SNAP91: variants seen among roughly 807,000 people sequenced by gnomAD.
The protein encoded by SNAP91 is clathrin coat assembly protein AP180.
In SNAP91, 27 loss-of-function variants were observed where a neutral mutation model predicts 100.3. That is an observed-to-expected ratio of 0.27 (90% CI 0.20 to 0.37). The LOEUF is 0.37. Among genes scored for constraint, SNAP91 ranks in the 10% least tolerant of loss-of-function variants. SNAP91 has a pLI of 1.00. For synonymous variants in SNAP91, 404 were observed against 398.6 expected, an observed-to-expected ratio of 1.01 and a Z score of -0.16; for missense variants, 986 against 1,123.7, an observed-to-expected ratio of 0.88 and a Z score of 1.75.
Position 83,676,234 on chromosome 6 carries a change from T to C in SNAP91, c.131-10653A>G, listed in dbSNP as rs553704610. On this transcript the variant is annotated intron_variant, in intron 2 of 29. Transcript: ENST00000369694. Reference sequence around the variant, plus strand: ...ATCTATCATCTAGATATAATAGCAGTGAACAAAACAGACAGTGTCTGCCTT... The same window carrying C: ...ATCTATCATCTAGATATAATAGCAGCGAACAAAACAGACAGTGTCTGCCTT... Among the ~76,000 whole-genome samples the C allele has an allele frequency of 1.6e-4, 24 of 152,192 alleles. No homozygotes were observed. In the South Asian group the frequency reaches 5.0e-3, roughly 32 times the overall value.
intron 21 of SNAP91, among the ~76,000 whole-genome samples, chr6:83,592,080 A>G (rs1007496286): frequency 3.3e-5 from 5 of 152,338 alleles, no homozygotes; most frequent in African/African-American, 9.6e-5. Flanking sequence ...TTATCTATTA[A>G]TAGGTCATGT....
chr6:83,657,823 G>A (rs1045179072), intron 6 of SNAP91, among the ~76,000 whole-genome samples: 1 of 150,648 alleles, frequency 6.6e-6, no homozygotes, highest in African/African-American at 2.4e-5. Context: ...CTGGAGTGCA[G>A]TGGCATGATC....
chr6:83,586,779 G>A (rs976488517), intron 22 of SNAP91, among the ~76,000 whole-genome samples: 1 of 152,066 alleles, frequency 6.6e-6, no homozygotes, highest in African/African-American at 2.4e-5. Context: ...ATTACTCATT[G>A]TTGTTATGGA....
At chr6:83,615,175 A>C (rs530554796) in intron 10 of SNAP91, among the ~76,000 whole-genome samples, 2 of 152,218 alleles carry the variant, frequency 1.3e-5, no homozygotes, top group African/African-American at 4.8e-5. Context: ...TTAGATTTGA[A>C]GTCAGGGCTA....
At chr6:83,655,922 G>T (rs2098393476) in intron 7 of SNAP91, among the ~76,000 whole-genome samples, 1 of 152,166 alleles carries the variant, frequency 6.6e-6, no homozygotes, top group Non-Finnish European at 1.5e-5. Context: ...TTTAGAGATG[G>T]TTCCTCATGT....
chr6:83,567,722 T>G (rs901658157), intron 26 of SNAP91, among the ~76,000 whole-genome samples: 6 of 152,078 alleles, frequency 3.9e-5, no homozygotes, highest in Non-Finnish European at 8.8e-5. Flanking sequence ...AAAGAAGACA[T>G]GCAGCCAAAA....
chr6:83,707,707 C>G, intron 2 of SNAP91, 91 bp downstream of exon 2: 1 of 1,521,834 alleles, frequency 6.6e-7, no homozygotes, highest in Non-Finnish European at 8.8e-7. Flanking sequence ...TCAGAGGCCA[C>G]AGCATTATGG....
chr6:83,618,840 TTAATG>T (rs2096601077), intron 9 of SNAP91, among the ~76,000 whole-genome samples: 3 of 151,956 alleles, frequency 2.0e-5, no homozygotes, highest in African/African-American at 7.2e-5. Context: ...ACTTTGAATG[TTAATG>T]TAATGTAAAG....
chr6:83,653,543 C>T (rs2098288067), intron 7 of SNAP91, among the ~76,000 whole-genome samples: 2 of 152,014 alleles, frequency 1.3e-5, no homozygotes, highest in South Asian at 4.1e-4. Context: ...TCCATTGGAG[C>T]CCTTAGCCTA....
At chr6:83,700,621 T>C (rs1025891042) in intron 2 of SNAP91, among the ~76,000 whole-genome samples, 4 of 151,718 alleles carry the variant, frequency 2.6e-5, no homozygotes, top group African/African-American at 9.7e-5. Flanking sequence ...TAGTTTTTTG[T>C]TTTGTTTTGC....
intron 2 of SNAP91, among the ~76,000 whole-genome samples, chr6:83,693,592 A>G (rs777843388): frequency 1.3e-5 from 2 of 152,246 alleles, no homozygotes; most frequent in Non-Finnish European, 2.9e-5. Flanking sequence ...CGATGCTGGA[A>G]GAAAGTTTAA....
chr6:83,566,727 TA>T (rs1286555466), intron 26 of SNAP91, among the ~76,000 whole-genome samples: 2 of 152,068 alleles, frequency 1.3e-5, no homozygotes, highest in Non-Finnish European at 2.9e-5. Flanking sequence ...AAGCCCAACA[TA>T]AATAATAAAA....
chr6:83,586,099 C>T (rs1452193323), intron 22 of SNAP91, among the ~76,000 whole-genome samples: 2 of 152,100 alleles, frequency 1.3e-5, no homozygotes, highest in Non-Finnish European at 2.9e-5. Context: ...CTGCCCGCCT[C>T]GGCCTCACAA....
intron 26 of SNAP91, among the ~76,000 whole-genome samples, chr6:83,573,728 C>A (rs1227058587): frequency 6.6e-6 from 1 of 152,162 alleles, no homozygotes; most frequent in Admixed American, 6.5e-5. Flanking sequence ...ATAAATGATG[C>A]TGGGAAAACT....
intron 2 of SNAP91, among the ~76,000 whole-genome samples, chr6:83,677,909 A>G (rs1056556004): frequency 2.0e-5 from 3 of 152,218 alleles, no homozygotes; most frequent in Non-Finnish European, 4.4e-5. Flanking sequence ...CTACTGAAAC[A>G]GAAGATCTTG....
intron 28 of SNAP91, among the ~76,000 whole-genome samples, chr6:83,557,488 C>T (rs1264219952): frequency 6.6e-6 from 1 of 151,538 alleles, no homozygotes; most frequent in Non-Finnish European, 1.5e-5. Flanking sequence ...GGCAACAAGG[C>T]AAGGCCTCAT....
At chr6:83,654,347 G>T (rs1346426691) in intron 7 of SNAP91, among the ~76,000 whole-genome samples, 1 of 152,142 alleles carries the variant, frequency 6.6e-6, no homozygotes, top group African/African-American at 2.4e-5. Context: ...AAGAGCTGTT[G>T]ATTTTTCAGT....
intron 8 of SNAP91, among the ~76,000 whole-genome samples, chr6:83,624,826 T>A (rs2096869390): frequency 6.6e-6 from 1 of 152,142 alleles, no homozygotes; most frequent in South Asian, 2.1e-4. Context: ...CAAATAATGT[T>A]TGAATCCAGA....
At chr6:83,660,440 T>C (rs2098517979) in intron 5 of SNAP91, among the ~76,000 whole-genome samples, 1 of 152,178 alleles carries the variant, frequency 6.6e-6, no homozygotes, top group Non-Finnish European at 1.5e-5. Flanking sequence ...GTTACATCTT[T>C]TTGTGTGGAT....
Sources: gnomAD v4.1 joint callset for allele counts (sites outside exome capture counted in the v4.1 genomes callset) on GRCh38, gnomAD v4.1.1 for gene constraint, MANE v1.5 for transcripts, NCBI Gene and HGNC (gene_info 2026-07-23, HGNC 2026-07-21) for gene names.